Variants in PPP6R3 observed in about 807,000 individuals in gnomAD.
PPP6R3 encodes the protein protein phosphatase 6 regulatory subunit 3.
A neutral mutation model predicts 110.7 loss-of-function variants in PPP6R3; 38 were observed. The observed-to-expected ratio is 0.34, with a 90% CI of 0.26 to 0.45. The LOEUF (loss-of-function observed/expected upper bound fraction) is 0.45, where lower values mean the gene tolerates loss of function less well. Ranked by LOEUF, PPP6R3 falls within the 20% of genes least tolerant of loss-of-function variation. The pLI is 1.00. For synonymous variants in PPP6R3, 369 were observed against 373.5 expected, an observed-to-expected ratio of 0.99 and a Z score of 0.14; for missense variants, 870 against 1,062.4, an observed-to-expected ratio of 0.82 and a Z score of 2.52.
At chr11:68,587,177 C>CA (rs1491142292) in intron 15 of PPP6R3, 2 of 46,506 alleles carry the variant, frequency 4.3e-5, no homozygotes, top group Non-Finnish European at 9.2e-5. Flanking sequence ...CATTATAACA[C>CA]CCCCCCCCCC....
Position 68,603,936 on chromosome 11 carries a change from C to T in PPP6R3, c.2450+444C>T, listed in dbSNP as rs138731325. ...TAGCAAAATGATAGCTTTAAAAGAA[C>T]GTGACCCTTAGAAATTCACTTCTAA... On this transcript the variant is annotated intron_variant, in intron 22 of 23. Coordinates refer to ENST00000393800, the MANE Select transcript of PPP6R3 (RefSeq NM_001164161.2). Among the ~76,000 whole-genome samples, 234 of 152,226 alleles carry T rather than the reference C, an allele frequency of 1.5e-3. 1 individual carries two copies. Among genetic ancestry groups the T allele is most frequent in the East Asian group, 0.012 (63 of 5,190 alleles).
intron 17 of PPP6R3, 107 bp from the exon 18 acceptor site, chr11:68,591,469 C>T: frequency 3.9e-6 from 4 of 1,029,908 alleles, no homozygotes; most frequent in Non-Finnish European, 5.4e-6. Flanking sequence ...TGATAGGCAC[C>T]ATATTGTAAA....
chr11:68,562,588 C>T (rs75127468), intron 8 of PPP6R3, among the ~76,000 whole-genome samples: 1,845 of 152,282 alleles, frequency 0.012, 15 homozygotes, highest in Non-Finnish European at 0.02. Flanking sequence ...TGGGACAGAG[C>T]AGAGTCCAGA....
At chr11:68,511,241 A>AT (rs1565510778) in intron 1 of PPP6R3, among the ~76,000 whole-genome samples, 3 of 151,308 alleles carry the variant, frequency 2.0e-5, no homozygotes. Context: ...TAATTTTTGT[A>AT]TTTTTAGTAG....
intron 18 of PPP6R3, among the ~76,000 whole-genome samples, chr11:68,595,357 AGGTGCCC>A (rs2099610833): frequency 6.6e-6 from 1 of 151,846 alleles, no homozygotes; most frequent in Admixed American, 6.6e-5. Context: ...CTGGAATTAC[AGGTGCCC>A]GCCACCACAC....
chr11:68,549,502 G>T (rs1351039806), intron 5 of PPP6R3, among the ~76,000 whole-genome samples: 3 of 152,162 alleles, frequency 2.0e-5, no homozygotes, highest in Non-Finnish European at 4.4e-5. Context: ...ACAGCTGGGT[G>T]TATCTAGTGG....
intron 21 of PPP6R3, among the ~76,000 whole-genome samples, chr11:68,602,223 C>CCT (rs2099634072): frequency 6.6e-6 from 1 of 152,170 alleles, no homozygotes; most frequent in African/African-American, 2.4e-5. Context: ...GGGAAGAAGG[C>CCT]CTAAGCCCAT....
rs11309470 is a variant in PPP6R3 at position 68,613,898 on chromosome 11, ATT to A, written c.*798_*799del. ...GAGTGTATATGGCTTGTGTTTTGGG[ATT>A]TTTTTTTTTTTTTTTTGGCTTTTGT... On this transcript the variant is annotated 3_prime_UTR_variant, in exon 24 of 24. Coordinates refer to ENST00000393800, the MANE Select transcript of PPP6R3 (RefSeq NM_001164161.2). The A allele has an allele frequency of 0.049, 43,651 of 882,218 alleles. 435 individuals carry two copies. The highest frequency in any genetic ancestry group is 0.18 in the African/African-American group (8,955 of 48,606). 54.6% of individuals were successfully genotyped at this position (882,218 alleles called of 1,614,324 possible). A position where few individuals can be genotyped will look rare whatever the true frequency, so the allele number is the denominator to read the frequency against.
chr11:68,537,348 T>C (rs2099276270), intron 2 of PPP6R3, among the ~76,000 whole-genome samples: 1 of 152,210 alleles, frequency 6.6e-6, no homozygotes, highest in African/African-American at 2.4e-5. Flanking sequence ...AAGGGTGACT[T>C]TTCTCCTTTC....
At chr11:68,541,668 C>T (rs576010084) in intron 3 of PPP6R3, among the ~76,000 whole-genome samples, 34 of 152,018 alleles carry the variant, frequency 2.2e-4, no homozygotes, top group Admixed American at 7.9e-4. Context: ...TGAATGAGAT[C>T]GCCTGCAGAG....
intron 22 of PPP6R3, among the ~76,000 whole-genome samples, chr11:68,608,231 T>G (rs980992474): frequency 6.6e-6 from 1 of 151,998 alleles, no homozygotes; most frequent in Non-Finnish European, 1.5e-5. Context: ...TCCTATAAAC[T>G]AGTAAGAAGA....
intron 14 of PPP6R3, among the ~76,000 whole-genome samples, chr11:68,580,789 T>G (rs953912807): frequency 1.1e-5 from 1 of 86,968 alleles, no homozygotes; most frequent in African/African-American, 4.6e-5. Context: ...TTTTTTTTTT[T>G]GAGACAGAGT....
chr11:68,522,146 T>C (rs1018894649), intron 2 of PPP6R3, among the ~76,000 whole-genome samples: 1 of 152,252 alleles, frequency 6.6e-6, no homozygotes, highest in African/African-American at 2.4e-5. Context: ...AGTAAATTAA[T>C]CATTTCTAAT....
At chr11:68,483,580 T>C (rs571322070) in intron 1 of PPP6R3, among the ~76,000 whole-genome samples, 1 of 152,298 alleles carries the variant, frequency 6.6e-6, no homozygotes, top group African/African-American at 2.4e-5. Context: ...CCTCTCAGGT[T>C]CGAGTTATTC....
intron 8 of PPP6R3, among the ~76,000 whole-genome samples, chr11:68,561,442 GAACC>G (rs1320838260): frequency 6.6e-6 from 1 of 152,110 alleles, no homozygotes; most frequent in Non-Finnish European, 1.5e-5. Context: ...AGTGGACATA[GAACC>G]TGTGGATACA....
Position 68,556,973 on chromosome 11 carries a change from T to A in PPP6R3, c.732-1593T>A, listed in dbSNP as rs147328506. 4.2e-3 allele frequency among the ~76,000 whole-genome samples: 636 copies of A among 152,360 alleles called. 2 individuals are homozygous for A. Among genetic ancestry groups the A allele is most frequent in the Non-Finnish European group, 7.0e-3 (477 of 68,024 alleles). On this transcript the variant is annotated intron_variant, in intron 7 of 23. Coordinates refer to ENST00000393800, the MANE Select transcript of PPP6R3 (RefSeq NM_001164161.2). The stretch of plus-strand genomic sequence containing the variant: ...AGCGGTGAAATGGCTAGGGCCTCTG[T>A]TAGCCATCTTCAGGCATCTGTATTG...
intron 12 of PPP6R3, among the ~76,000 whole-genome samples, chr11:68,572,717 C>T (rs2099512356): frequency 6.6e-6 from 1 of 152,028 alleles, no homozygotes; most frequent in Non-Finnish European, 1.5e-5. Context: ...TGGTACTTGC[C>T]TATAGTCCCA....
At chr11:68,529,789 GA>G (rs1251354532) in intron 2 of PPP6R3, among the ~76,000 whole-genome samples, 4 of 152,136 alleles carry the variant, frequency 2.6e-5, no homozygotes, top group African/African-American at 9.7e-5. Flanking sequence ...TTTTAAAAAA[GA>G]GGAAAAACAT....
intron 1 of PPP6R3, among the ~76,000 whole-genome samples, chr11:68,474,458 GTTT>G: frequency 6.6e-6 from 1 of 152,082 alleles, no homozygotes; most frequent in Non-Finnish European, 1.5e-5. Context: ...TATTTTTCCT[GTTT>G]TTAACTTACC....
Sources: gnomAD v4.1 joint callset for allele counts (sites outside exome capture counted in the v4.1 genomes callset) on GRCh38, gnomAD v4.1.1 for gene constraint, MANE v1.5 for transcripts, NCBI Gene and HGNC (gene_info 2026-07-23, HGNC 2026-07-21) for gene names.